NRG3: variants seen among roughly 807,000 people sequenced by gnomAD.
NRG3 encodes neuregulin 3, also known as pro-neuregulin-3, membrane-bound isoform.
Under a neutral mutation model 66.9 loss-of-function variants are expected in NRG3, and 31 were observed. That is an observed-to-expected ratio of 0.46 (90% CI 0.35 to 0.63). The LOEUF (loss-of-function observed/expected upper bound fraction) is 0.63, where lower values mean the gene tolerates loss of function less well. NRG3 is among the 20% of genes least tolerant of loss of function. The probability of loss-of-function intolerance (pLI) is 0.00; values close to 1 mark genes in which losing one functional copy is unlikely to be tolerated. For missense variants in NRG3, 910 were observed against 878.9 expected (o/e 1.04, Z -0.45); for synonymous variants, 393 against 359.4 (o/e 1.09, Z -1.06).
intron 1 of NRG3, among the ~76,000 whole-genome samples, chr10:82,257,948 G>C (rs748957586): frequency 6.6e-6 from 1 of 152,046 alleles, no homozygotes; most frequent in Non-Finnish European, 1.5e-5. Flanking sequence ...TACATGAGTG[G>C]ATAACTCTCT....
At chr10:82,376,725 A>G (rs932629301) in intron 2 of NRG3, among the ~76,000 whole-genome samples, 1 of 152,202 alleles carries the variant, frequency 6.6e-6, no homozygotes, top group African/African-American at 2.4e-5. Flanking sequence ...GCTGGTCACC[A>G]TACCCATGTT....
At chr10:82,436,806 G>C (rs2090164107) in intron 2 of NRG3, among the ~76,000 whole-genome samples, 1 of 152,114 alleles carries the variant, frequency 6.6e-6, no homozygotes, top group Non-Finnish European at 1.5e-5. Flanking sequence ...GCTTAGTTTT[G>C]CTGGATATGA....
At chr10:82,029,360 G>T (rs948455987) in intron 1 of NRG3, among the ~76,000 whole-genome samples, 1 of 152,100 alleles carries the variant, frequency 6.6e-6, no homozygotes, top group Non-Finnish European at 1.5e-5. Context: ...AAGTGAATGG[G>T]ATTAAATTAA....
At chr10:82,556,045 G>A (rs761204951) in intron 2 of NRG3, among the ~76,000 whole-genome samples, 11 of 152,150 alleles carry the variant, frequency 7.2e-5, no homozygotes, top group East Asian at 5.8e-4. Flanking sequence ...CAGTTGCCCC[G>A]TATTTGTCTT....
intron 2 of NRG3, among the ~76,000 whole-genome samples, chr10:82,545,377 ATTTTTT>A (rs745968047): frequency 7.6e-6 from 1 of 130,986 alleles, no homozygotes. Flanking sequence ...TGCTAATAGC[ATTTTTT>A]TTTTTTTTTT....
chr10:82,414,991 G>T (rs1644482246), intron 2 of NRG3, among the ~76,000 whole-genome samples: 1 of 152,194 alleles, frequency 6.6e-6, no homozygotes, highest in Non-Finnish European at 1.5e-5. Flanking sequence ...TAAATCAACT[G>T]ATCATAAATA....
intron 1 of NRG3, among the ~76,000 whole-genome samples, chr10:81,951,711 T>A (rs1849371717): frequency 6.6e-6 from 1 of 152,206 alleles, no homozygotes; most frequent in South Asian, 2.1e-4. Context: ...GGATAAATTT[T>A]AAAACTTTTT....
intron 2 of NRG3, among the ~76,000 whole-genome samples, chr10:82,694,139 G>A (rs1365235116): frequency 6.6e-6 from 1 of 151,992 alleles, no homozygotes; most frequent in Non-Finnish European, 1.5e-5. Context: ...GCATTTACAA[G>A]CCTTTAGCTA....
chr10:82,336,590 T>G (rs2082401585), intron 1 of NRG3, among the ~76,000 whole-genome samples: 3 of 151,696 alleles, frequency 2.0e-5, no homozygotes, highest in African/African-American at 7.3e-5. Context: ...TGGTGCAGTC[T>G]TGGGTCACTG....
In NRG3 at chr10:82,951,487, A is replaced by T; in HGVS notation, c.1073A>T (p.Gln358Leu). ...TTCACAGAGAGTGAAGAAGTTTATC[A>T]AAGGCAGGTGCTGTCAATTTCATGT... Reference protein sequence around the residue: ...IEFMESEEVYQRQVLSISCII... With the variant: ...IEFMESEEVYLRQVLSISCII... Residue 358 changes from glutamine (Q) to leucine (L), a missense_variant, in exon 5 of 9, where the codon CAA becomes CTA. By Grantham distance (113) the Gln-to-Leu change is moderately radical. Coordinates refer to ENST00000372141, the MANE Select transcript of NRG3 (RefSeq NM_001010848.4). 1 of 1,613,896 alleles carries T rather than the reference A, an allele frequency of 6.2e-7. No individual in the cohort carries two copies.
intron 1 of NRG3, among the ~76,000 whole-genome samples, chr10:82,190,487 C>T (rs1023521866): frequency 1.3e-5 from 2 of 152,100 alleles, no homozygotes; most frequent in African/African-American, 4.8e-5. Context: ...CTCAAAGTTG[C>T]CACATTGCTA....
chr10:81,897,940 C>A (rs1488352195), intron 1 of NRG3, among the ~76,000 whole-genome samples: 1 of 152,044 alleles, frequency 6.6e-6, no homozygotes, highest in Admixed American at 6.6e-5. Context: ...GGGGGAGATA[C>A]AAAAATAATA....
chr10:82,194,356 A>T (rs2074336198), intron 1 of NRG3, among the ~76,000 whole-genome samples: 1 of 152,142 alleles, frequency 6.6e-6, no homozygotes, highest in Non-Finnish European at 1.5e-5. Context: ...TTTTGTATGC[A>T]AGTAAGTGTG....
intron 1 of NRG3, among the ~76,000 whole-genome samples, chr10:82,288,037 A>T (rs921919055): frequency 6.6e-6 from 1 of 152,176 alleles, no homozygotes; most frequent in African/African-American, 2.4e-5. Context: ...AGTACTACAG[A>T]TATGTGATTA....
chr10:82,221,906 G>C (rs141884174), intron 1 of NRG3, among the ~76,000 whole-genome samples: 44 of 151,912 alleles, frequency 2.9e-4, no homozygotes, highest in Non-Finnish European at 3.8e-4. Context: ...CCCTCGGGAC[G>C]GACACTTCCA....
intron 1 of NRG3, among the ~76,000 whole-genome samples, chr10:82,090,755 C>CCG (rs1554823142): frequency 6.6e-6 from 1 of 151,862 alleles, no homozygotes; most frequent in Admixed American, 6.6e-5. Context: ...CATTTGAACT[C>CCG]TATATCTGAA....
At chr10:82,830,891 G>T (rs146981947) in intron 3 of NRG3, among the ~76,000 whole-genome samples, 1 of 152,138 alleles carries the variant, frequency 6.6e-6, no homozygotes, top group Non-Finnish European at 1.5e-5. Flanking sequence ...ATTATATACA[G>T]ATTTCTGGCA....
At chr10:82,119,594 A>AGAAACC (rs774095975) in intron 1 of NRG3, among the ~76,000 whole-genome samples, 4 of 152,234 alleles carry the variant, frequency 2.6e-5, no homozygotes, top group Non-Finnish European at 5.9e-5. Context: ...GTTCTTGGCT[A>AGAAACC]CTCACTACCT....
chr10:82,483,896 A>T (rs1842480356), intron 2 of NRG3, among the ~76,000 whole-genome samples: 1 of 152,222 alleles, frequency 6.6e-6, no homozygotes, highest in South Asian at 2.1e-4. Flanking sequence ...AACTCTTATG[A>T]CTACTTCTAA....
Sources: gnomAD v4.1 joint callset for allele counts (sites outside exome capture counted in the v4.1 genomes callset) on GRCh38, gnomAD v4.1.1 for gene constraint, MANE v1.5 for transcripts, NCBI Gene and HGNC (gene_info 2026-07-23, HGNC 2026-07-21) for gene names.